Variants in PTPRK observed in about 807,000 individuals in gnomAD.
PTPRK encodes protein tyrosine phosphatase receptor type K, also known as receptor-type tyrosine-protein phosphatase kappa.
PTPRK carries 75 observed loss-of-function variants against 178.0 expected under a neutral mutation model. That is an observed-to-expected ratio of 0.42 (90% CI 0.35 to 0.51). The LOEUF (loss-of-function observed/expected upper bound fraction) is 0.51. Ranked by LOEUF, PTPRK falls within the 20% of genes least tolerant of loss-of-function variation. The pLI is 0.02. For missense variants in PTPRK, 1,441 were observed against 1,797.8 expected (o/e 0.80, Z 3.59); for synonymous variants, 637 against 620.6 (o/e 1.03, Z -0.39).
At chr6:128,464,672 T>TATATAC (rs1849620118) in intron 1 of PTPRK, among the ~76,000 whole-genome samples, 1 of 124,830 alleles carries the variant, frequency 8.0e-6, no homozygotes. Context: ...TATATATATA[T>TATATAC]ATACAACAGA....
At chr6:128,143,360 T>C (rs1194696472) in intron 7 of PTPRK, among the ~76,000 whole-genome samples, 2 of 152,162 alleles carry the variant, frequency 1.3e-5, no homozygotes, top group African/African-American at 4.8e-5. Context: ...CCTTTGTAAT[T>C]ATCCGATTTG....
intron 7 of PTPRK, among the ~76,000 whole-genome samples, chr6:128,172,428 C>T (rs1388375782): frequency 1.3e-5 from 2 of 151,706 alleles, no homozygotes; most frequent in African/African-American, 4.8e-5. Context: ...TACTGAAAAT[C>T]CTTGGAAAGT....
intron 13 of PTPRK, among the ~76,000 whole-genome samples, chr6:128,009,486 T>C (rs1778816378): frequency 6.6e-6 from 1 of 151,126 alleles, no homozygotes; most frequent in African/African-American, 2.4e-5. Flanking sequence ...ACACAAAAAA[T>C]AAAACAAACC....
At chr6:128,314,381 T>C (rs976713040) in intron 3 of PTPRK, among the ~76,000 whole-genome samples, 5 of 152,196 alleles carry the variant, frequency 3.3e-5, no homozygotes, top group Non-Finnish European at 5.9e-5. Context: ...ATGGATTAGG[T>C]TGCTCAATAA....
chr6:128,506,365 T>C (rs1856341204), intron 1 of PTPRK, among the ~76,000 whole-genome samples: 1 of 152,128 alleles, frequency 6.6e-6, no homozygotes, highest in Non-Finnish European at 1.5e-5. Flanking sequence ...GATTAAATCG[T>C]TCTAGAAGGT....
intron 7 of PTPRK, among the ~76,000 whole-genome samples, chr6:128,182,953 T>A (rs1802172442): frequency 6.6e-6 from 1 of 152,056 alleles, no homozygotes; most frequent in Non-Finnish European, 1.5e-5. Context: ...AAGAAAGTAG[T>A]TTGGGCACAG....
intron 6 of PTPRK, among the ~76,000 whole-genome samples, chr6:128,194,915 C>T (rs1159387041): frequency 6.6e-6 from 1 of 151,960 alleles, no homozygotes; most frequent in East Asian, 1.9e-4. Context: ...TATTAAGACA[C>T]AATGGCTGAA....
chr6:128,003,129 T>C, intron 15 of PTPRK: 2 of 1,460,070 alleles, frequency 1.4e-6, no homozygotes, highest in South Asian at 1.2e-5. Flanking sequence ...ATAATCTCTA[T>C]GTGGGCAAAC....
intron 7 of PTPRK, among the ~76,000 whole-genome samples, chr6:128,125,601 T>C (rs946582389): frequency 2.1e-5 from 3 of 143,540 alleles, no homozygotes; most frequent in African/African-American, 7.6e-5. Flanking sequence ...TTTGGGCTTT[T>C]CTTTTTTTTT....
chr6:128,388,642 C>T (rs757936350), intron 2 of PTPRK, among the ~76,000 whole-genome samples: 1 of 152,168 alleles, frequency 6.6e-6, no homozygotes, highest in African/African-American at 2.4e-5. Context: ...TCTCTATATA[C>T]CTGGATTCCT....
intron 2 of PTPRK, among the ~76,000 whole-genome samples, chr6:128,352,265 A>AAG (rs1429582272): frequency 4.0e-5 from 6 of 151,322 alleles, no homozygotes; most frequent in Non-Finnish European, 8.8e-5. Flanking sequence ...AAAAAAAAAA[A>AAG]AAAAAAGAAA....
chr6:128,435,510 T>G (rs1845474511), intron 1 of PTPRK, among the ~76,000 whole-genome samples: 1 of 152,188 alleles, frequency 6.6e-6, no homozygotes, highest in African/African-American at 2.4e-5. Context: ...AAATTTGAAT[T>G]TACTACAGCA....
chr6:128,183,943 C>A (rs1254416111), intron 7 of PTPRK, among the ~76,000 whole-genome samples: 1 of 152,138 alleles, frequency 6.6e-6, no homozygotes, highest in Non-Finnish European at 1.5e-5. Flanking sequence ...TAATCCTCAA[C>A]AACAGGACAT....
chr6:128,112,763 T>C (rs1488733772), intron 7 of PTPRK, among the ~76,000 whole-genome samples: 1 of 152,130 alleles, frequency 6.6e-6, no homozygotes, highest in African/African-American at 2.4e-5. Flanking sequence ...ACATGGAAGC[T>C]AAATATAGTT....
chr6:128,219,598 C>A (rs1427210059), intron 5 of PTPRK, among the ~76,000 whole-genome samples: 1 of 152,184 alleles, frequency 6.6e-6, no homozygotes, highest in Non-Finnish European at 1.5e-5. Flanking sequence ...TTGGGGACCC[C>A]TGCTCTAAAA....
intron 19 of PTPRK, 114 bp from the exon 20 acceptor site, chr6:127,991,505 C>A (rs1776602747): frequency 5.1e-6 from 3 of 588,758 alleles, no homozygotes; most frequent in Non-Finnish European, 7.8e-6. Flanking sequence ...AGGTCTAACA[C>A]AAAATGTCAC....
chr6:128,262,279 A>G (rs1247948314), intron 3 of PTPRK, among the ~76,000 whole-genome samples: 1 of 152,198 alleles, frequency 6.6e-6, no homozygotes, highest in East Asian at 1.9e-4. Context: ...TAAATTATTG[A>G]AACCAAATAA....
intron 7 of PTPRK, among the ~76,000 whole-genome samples, chr6:128,103,015 G>A (rs1018996122): frequency 6.6e-6 from 1 of 152,134 alleles, no homozygotes; most frequent in African/African-American, 2.4e-5. Flanking sequence ...GCACCCAAAT[G>A]TTGCCTTTTG....
chr6:128,384,489 G>A (rs1838409104), intron 2 of PTPRK, among the ~76,000 whole-genome samples: 2 of 152,198 alleles, frequency 1.3e-5, no homozygotes, highest in Non-Finnish European at 1.5e-5. Context: ...CCATACTGGT[G>A]TTAGGCCACA....
Sources: allele counts gnomAD v4.1 joint callset (sites outside exome capture counted in the v4.1 genomes callset), GRCh38; gene constraint gnomAD v4.1.1; transcripts MANE v1.5; gene names NCBI Gene and HGNC (gene_info 2026-07-23, HGNC 2026-07-21).